The following TMEM74 variants were observed in gnomAD, a reference collection of about 807,000 sequenced individuals.
The protein encoded by TMEM74 is transmembrane protein 74.
TMEM74 carries 13 observed loss-of-function variants against 18.1 expected under a neutral mutation model. That is an observed-to-expected ratio of 0.72 (90% CI 0.47 to 1.14). TMEM74 has a LOEUF of 1.14. Among genes scored for constraint, TMEM74 ranks in the 50% most tolerant of loss-of-function variants. The pLI is 0.00. For synonymous variants in TMEM74, 159 were observed against 146.6 expected (o/e 1.08, Z -0.61); for missense variants, 372 against 375.9 (o/e 0.99, Z 0.09).
chr8:108,633,951 A>C (rs763521109), intron 2 of TMEM74, among the ~76,000 whole-genome samples: 2 of 152,050 alleles, frequency 1.3e-5, no homozygotes, highest in African/African-American at 2.4e-5. Flanking sequence ...TTTCAACAGG[A>C]AAATTACTTT....
intron 1 of TMEM74, among the ~76,000 whole-genome samples, chr8:108,740,624 G>T (rs942412316): frequency 9.9e-5 from 15 of 152,246 alleles, no homozygotes; most frequent in Admixed American, 8.5e-4. Flanking sequence ...TCATGTTTCT[G>T]TGTCACATTT....
intron 2 of TMEM74, among the ~76,000 whole-genome samples, chr8:108,622,525 A>G (rs140836656): frequency 9.3e-4 from 141 of 152,214 alleles, no homozygotes; most frequent in African/African-American, 3.1e-3. Context: ...GTGGCTTTAG[A>G]ATTGAAGCTT....
chr8:108,625,885 C>G (rs923739829), intron 2 of TMEM74, among the ~76,000 whole-genome samples: 1 of 151,838 alleles, frequency 6.6e-6, no homozygotes, highest in Non-Finnish European at 1.5e-5. Context: ...TCCTTAAATA[C>G]AGGAACAGTA....
Position 108,730,920 on chromosome 8 carries a change from G to A in TMEM74, n.119+56556C>T, listed in dbSNP as rs867505797. Among the ~76,000 whole-genome samples the A allele has an allele frequency of 2.3e-4, 35 of 152,182 alleles. 2 individuals are homozygous for A. In the South Asian group the frequency reaches 4.4e-3, roughly 19 times the overall value. ...GCTGGGATTACAGGCGTGAGCCACC[G>A]CGCCCTGCCACCATGTGTTCTTATA... On this transcript the variant is annotated intron_variant and non_coding_transcript_variant, in intron 1 of 3. Transcript: ENST00000518838.
chr8:108,707,406 G>A (rs1813427377), intron 1 of TMEM74, among the ~76,000 whole-genome samples: 2 of 151,922 alleles, frequency 1.3e-5, no homozygotes, highest in African/African-American at 4.8e-5. Context: ...AAATCATGGT[G>A]GAAATCACAT....
In TMEM74 at chr8:108,756,603, G is replaced by GA. The variant is rs1563543627; in HGVS notation, n.119+30872dup. On this transcript the variant is annotated intron_variant and non_coding_transcript_variant, in intron 1 of 3. Coordinates refer to the TMEM74 transcript ENST00000518838. ...AAGAAAGAAAGAAAGAAAGAGAAAG[G>GA]AAGGAAGGAAGGAAGGAAGGAAGGA... Among the ~76,000 whole-genome samples the GA allele has an allele frequency of 3.2e-3, 142 of 44,242 alleles. 1 individual carries two copies. The highest frequency in any genetic ancestry group is 6.9e-3 in the African/African-American group (54 of 7,812). The allele number at this position is 44,242 out of a possible 152,430, so 29.0% of individuals were successfully genotyped here.
chr8:108,684,756 G>C (rs906481144), intron 1 of TMEM74, among the ~76,000 whole-genome samples: 1 of 148,794 alleles, frequency 6.7e-6, no homozygotes, highest in Non-Finnish European at 1.5e-5. Context: ...GTTGATTTTT[G>C]TATAGGTGAG....
intron 1 of TMEM74, among the ~76,000 whole-genome samples, chr8:108,767,020 T>G (rs1586290716): frequency 1.3e-5 from 2 of 152,174 alleles, no homozygotes; most frequent in Non-Finnish European, 2.9e-5. Flanking sequence ...CCACCCAGAT[T>G]GAGGGTAGGT....
intron 1 of TMEM74, among the ~76,000 whole-genome samples, chr8:108,732,500 A>G (rs943977811): frequency 1.3e-5 from 2 of 152,190 alleles, no homozygotes; most frequent in Admixed American, 1.3e-4. Context: ...TGTGTTACAA[A>G]GTTGCAGTAC....
At chr8:108,632,552 G>A (rs981030062) in intron 2 of TMEM74, among the ~76,000 whole-genome samples, 14 of 151,864 alleles carry the variant, frequency 9.2e-5, no homozygotes, top group Admixed American at 9.2e-4. Context: ...CAAGGACCAT[G>A]ATTAAATAAA....
intron 1 of TMEM74, among the ~76,000 whole-genome samples, chr8:108,757,442 AATG>A (rs1296718239): frequency 2.6e-5 from 4 of 152,120 alleles, no homozygotes; most frequent in African/African-American, 9.7e-5. Flanking sequence ...TCTTAAAATA[AATG>A]ATGCTTGATT....
intron 1 of TMEM74, among the ~76,000 whole-genome samples, chr8:108,725,082 G>A (rs1391888183): frequency 6.6e-6 from 1 of 152,070 alleles, no homozygotes; most frequent in Non-Finnish European, 1.5e-5. Context: ...ACCATGTTTA[G>A]GCCCACTTCG....
At chr8:108,609,093 G>A (rs1812308280) in intron 2 of TMEM74, among the ~76,000 whole-genome samples, 1 of 152,180 alleles carries the variant, frequency 6.6e-6, no homozygotes, top group Non-Finnish European at 1.5e-5. Flanking sequence ...GTCTTGCAAA[G>A]TTTATGGTTT....
At chr8:108,778,859 CTGAG>C (rs1185466613), downstream of TMEM74, among the ~76,000 whole-genome samples, 2 of 152,024 alleles carry the variant, frequency 1.3e-5, no homozygotes, top group Admixed American at 6.6e-5. Flanking sequence ...TACTCTAATA[CTGAG>C]TAATTTAGAG....
At chr8:108,734,575 T>C (rs947218011) in intron 1 of TMEM74, among the ~76,000 whole-genome samples, 1 of 152,198 alleles carries the variant, frequency 6.6e-6, no homozygotes, top group Non-Finnish European at 1.5e-5. Flanking sequence ...TCAGTGCTCT[T>C]CTCCTCCTCC....
At chr8:108,682,408 T>C (rs1175021223) in intron 1 of TMEM74, among the ~76,000 whole-genome samples, 1 of 152,088 alleles carries the variant, frequency 6.6e-6, no homozygotes, top group East Asian at 1.9e-4. Context: ...AGCACCCAAT[T>C]TCTTTCTTCT....
intron 1 of TMEM74, among the ~76,000 whole-genome samples, chr8:108,701,937 A>G (rs926583264): frequency 6.6e-6 from 1 of 152,208 alleles, no homozygotes; most frequent in South Asian, 2.1e-4. Context: ...AAAAAAATCC[A>G]TAATAAACGA....
At chr8:108,757,730 T>A (rs1586287041) in intron 1 of TMEM74, among the ~76,000 whole-genome samples, 1 of 152,046 alleles carries the variant, frequency 6.6e-6, no homozygotes, top group Non-Finnish European at 1.5e-5. Flanking sequence ...TAATTAATAA[T>A]GCATTTATGT....
At chr8:108,775,506 A>T (rs754741681), downstream of TMEM74, among the ~76,000 whole-genome samples, 11 of 152,248 alleles carry the variant, frequency 7.2e-5, no homozygotes, top group South Asian at 4.1e-4. Flanking sequence ...TGCTCCCATC[A>T]GTTCCGTGTG....
Sources: allele counts gnomAD v4.1 joint callset (sites outside exome capture counted in the v4.1 genomes callset), GRCh38; gene constraint gnomAD v4.1.1; transcripts MANE v1.5; gene names NCBI Gene and HGNC (gene_info 2026-07-23, HGNC 2026-07-21).